TSHZ3: variants seen among roughly 807,000 people sequenced by gnomAD.
TSHZ3 encodes teashirt homolog 3.
TSHZ3 carries 10 observed loss-of-function variants against 64.5 expected under a neutral mutation model. The ratio of observed to expected loss-of-function variants is 0.16; its 90% CI spans 0.10 to 0.26. TSHZ3 has a LOEUF of 0.26. Ranked by LOEUF, TSHZ3 falls within the 10% of genes least tolerant of loss-of-function variation. TSHZ3 has a pLI of 1.00. For synonymous variants in TSHZ3, 608 were observed against 593.1 expected, an observed-to-expected ratio of 1.03 and a Z score of -0.36; for missense variants, 1,242 against 1,421.7, an observed-to-expected ratio of 0.87 and a Z score of 2.03.
At chr19:31,208,395 G>A (rs1245224443) in intron 4 of TSHZ3, among the ~76,000 whole-genome samples, 3 of 152,112 alleles carry the variant, frequency 2.0e-5, no homozygotes, top group Admixed American at 6.6e-5. Flanking sequence ...CCAATTGGCC[G>A]AGCTTTTATC....
chr19:31,182,061 TC>T (rs1001601245), intron 5 of TSHZ3, among the ~76,000 whole-genome samples: 7 of 152,164 alleles, frequency 4.6e-5, no homozygotes, highest in Non-Finnish European at 1.0e-4. Flanking sequence ...GATTGAGGCA[TC>T]CTGAGAGCCG....
At chr19:31,322,776 A>G (rs1303279915) in intron 1 of TSHZ3, among the ~76,000 whole-genome samples, 4 of 152,248 alleles carry the variant, frequency 2.6e-5, no homozygotes, top group Non-Finnish European at 4.4e-5. Context: ...GATGGACATA[A>G]TAAAGGAATG....
At chr19:31,340,750 G>A (rs1034050710) in intron 1 of TSHZ3, among the ~76,000 whole-genome samples, 11 of 152,184 alleles carry the variant, frequency 7.2e-5, no homozygotes, top group African/African-American at 2.7e-4. Context: ...CAGGCCCAGG[G>A]CCCAGACCCC....
chr19:31,324,050 G>A (rs913317494), intron 1 of TSHZ3, among the ~76,000 whole-genome samples: 6 of 152,064 alleles, frequency 3.9e-5, no homozygotes, highest in East Asian at 1.9e-4. Context: ...AGGAAAAAAC[G>A]TCTCCGCAGC....
intron 5 of TSHZ3, among the ~76,000 whole-genome samples, chr19:31,175,678 G>A (rs1380726046): frequency 1.3e-5 from 2 of 152,342 alleles, no homozygotes; most frequent in East Asian, 1.9e-4. Flanking sequence ...GGCCCTTGGT[G>A]GGTACAAAGG....
At chr19:31,162,134 T>C (rs1488053131) in intron 5 of TSHZ3, among the ~76,000 whole-genome samples, 2 of 152,170 alleles carry the variant, frequency 1.3e-5, no homozygotes, top group African/African-American at 4.8e-5. Context: ...TTTGCTCCCC[T>C]GATTTTATTC....
chr19:31,216,484 C>T (rs1476022329), intron 4 of TSHZ3, among the ~76,000 whole-genome samples: 2 of 151,062 alleles, frequency 1.3e-5, no homozygotes, highest in African/African-American at 4.9e-5. Flanking sequence ...ACAGAGTCTC[C>T]GTCACCCAGG....
chr19:31,286,946 A>G (rs1300728783), intron 1 of TSHZ3, among the ~76,000 whole-genome samples: 1 of 152,250 alleles, frequency 6.6e-6, no homozygotes, highest in East Asian at 1.9e-4. Context: ...GTCATCATTA[A>G]CTAAATTCAA....
At chr19:31,231,330 C>T (rs1309117276) in intron 3 of TSHZ3, among the ~76,000 whole-genome samples, 1 of 152,134 alleles carries the variant, frequency 6.6e-6, no homozygotes, top group Non-Finnish European at 1.5e-5. Flanking sequence ...ATACCTGAGT[C>T]TGATGCCAAA....
chr19:31,205,128 C>T (rs914466945), intron 4 of TSHZ3, among the ~76,000 whole-genome samples: 3 of 152,098 alleles, frequency 2.0e-5, no homozygotes, highest in African/African-American at 7.2e-5. Context: ...TGGAGAGGTT[C>T]CTTGTCGGCT....
At position 31,348,419 on chromosome 19, in the gene TSHZ3, A is replaced by C. The variant is rs150030947; in HGVS notation, c.40+761T>G. ...TGCGTTTTCCAGAAAAGAAAAGAAA[A>C]AAATCGGCTCAGTCTTAACAGGAGT... is the stretch of plus-strand genomic sequence containing the variant. On this transcript the variant is annotated intron_variant, in intron 1 of 1. Transcript: ENST00000240587. Among the ~76,000 whole-genome samples, 334 of 152,192 alleles carry C rather than the reference A, an allele frequency of 2.2e-3. 1 individual carries two copies. The highest frequency in any genetic ancestry group is 7.7e-3 in the African/African-American group (318 of 41,532).
At chr19:31,263,361 A>C (rs929101642) in intron 1 of TSHZ3, among the ~76,000 whole-genome samples, 25 of 152,260 alleles carry the variant, frequency 1.6e-4, no homozygotes, top group African/African-American at 5.3e-4. Context: ...GAATCCTATG[A>C]AGCTTTGCAA....
rs200988715 is a variant in TSHZ3, at chr19:31,277,879, G to A, written c.1914C>T (p.Pro638=). 7.5e-6 allele frequency: 12 copies of A among 1,610,284 alleles called. No individual in the cohort carries two copies. In the East Asian group the frequency reaches 2.7e-4, roughly 36 times the overall value. The change falls in exon 2 of 2, where the codon CCC becomes CCT. Residue 638 remains proline (P), a synonymous_variant. Transcript: ENST00000240587. This position sits in a 1 kb window ranked among gnomAD's most constrained non-coding sequence, Gnocchi z 4.5. ...MKEPDGKLSP[P]KRATPSPCSS... ...TACATGGGGAGGGAGTGGCCCGCTT[G>A]GGCGGGGAAAGCTTCCCATCCGGCT...
Position 31,232,632 on chromosome 19 carries a change from G to A in TSHZ3, n.551-4492C>T, listed in dbSNP as rs529443067. On this transcript the variant is annotated intron_variant and non_coding_transcript_variant, in intron 3 of 6. Transcript: ENST00000651361. ...GCATTTGAACAAAGTACACACTCAT[G>A]CAACCACCACCCTGAGCAAGACATA... Among the ~76,000 whole-genome samples the A allele has an allele frequency of 2.6e-5, 4 of 152,288 alleles. No individual in the cohort carries two copies. The East Asian group carries it at 7.7e-4, about 29-fold the overall frequency.
intron 1 of TSHZ3, among the ~76,000 whole-genome samples, chr19:31,269,008 G>C (rs935815182): frequency 6.6e-6 from 1 of 152,128 alleles, no homozygotes; most frequent in Admixed American, 6.5e-5. Flanking sequence ...AGTAACCTCA[G>C]CTGCACGGAG....
chr19:31,297,783 T>C (rs931261615), intron 1 of TSHZ3, among the ~76,000 whole-genome samples: 1 of 152,168 alleles, frequency 6.6e-6, no homozygotes, highest in Admixed American at 6.5e-5. Flanking sequence ...CTAATGCAAG[T>C]GCTCTAGAAA....
At chr19:31,281,205 C>T (rs927527364) in intron 1 of TSHZ3, among the ~76,000 whole-genome samples, 2 of 152,064 alleles carry the variant, frequency 1.3e-5, no homozygotes, top group Admixed American at 6.6e-5. Context: ...TGCCCCTGTT[C>T]CATTTCACAT....
At chr19:31,338,429 A>C (rs937623304) in intron 1 of TSHZ3, among the ~76,000 whole-genome samples, 1 of 152,206 alleles carries the variant, frequency 6.6e-6, no homozygotes, top group Admixed American at 6.5e-5. Flanking sequence ...GGGAGCCGCA[A>C]AAGATTATTT....
chr19:31,349,036 C>A (rs911825481), intron 1 of TSHZ3, 144 bp downstream of exon 1: 108 of 1,016,888 alleles, frequency 1.1e-4, no homozygotes, highest in Non-Finnish European at 1.4e-4. Context: ...GGCGGGCGCA[C>A]GCACCCAAAC....
Sources: gnomAD v4.1 joint callset for allele counts (sites outside exome capture counted in the v4.1 genomes callset) on GRCh38, gnomAD v4.1.1 for gene constraint, Gnocchi (gnomAD v3.1) non-coding constraint, MANE v1.5 for transcripts, NCBI Gene and HGNC (gene_info 2026-07-23, HGNC 2026-07-21) for gene names.